NFIC: variants seen among roughly 807,000 people sequenced by gnomAD.
NFIC encodes nuclear factor 1 C-type.
Under a neutral mutation model 54.4 loss-of-function variants are expected in NFIC, and 12 were observed. That is an observed-to-expected ratio of 0.22 (90% confidence interval 0.14 to 0.36). The LOEUF is 0.36. NFIC is among the 10% of genes least tolerant of loss of function. The pLI is 1.00. For missense variants in NFIC, 575 were observed against 718.2 expected (o/e 0.80, Z 2.28); for synonymous variants, 322 against 319.2 (o/e 1.01, Z -0.09).
At chr19:3,389,237 A>T (rs901433950) in intron 2 of NFIC, among the ~76,000 whole-genome samples, 4 of 152,246 alleles carry the variant, frequency 2.6e-5, no homozygotes, top group Admixed American at 1.3e-4. Flanking sequence ...CCTGAGCTTG[A>T]TGGCAGGAGA....
At chr19:3,414,930 C>T (rs916449865) in intron 2 of NFIC, among the ~76,000 whole-genome samples, 10 of 151,820 alleles carry the variant, frequency 6.6e-5, no homozygotes, top group African/African-American at 2.4e-4. Flanking sequence ...ACCTCTGCCT[C>T]CTGGGTTCAA....
intron 2 of NFIC, among the ~76,000 whole-genome samples, chr19:3,389,348 TGAG>T (rs946219474): frequency 4.6e-5 from 7 of 151,978 alleles, no homozygotes; most frequent in Non-Finnish European, 1.0e-4. Flanking sequence ...GGTCTGGGGT[TGAG>T]GGGAGTGGAG....
intron 6 of NFIC, 37 bp downstream of exon 6, chr19:3,435,244 T>C: frequency 2.0e-6 from 3 of 1,530,528 alleles, no homozygotes; most frequent in Non-Finnish European, 8.8e-7. Flanking sequence ...GGCCTTCCGG[T>C]CTGAGTCACC....
chr19:3,422,614 G>A (rs1244511679), intron 2 of NFIC, among the ~76,000 whole-genome samples: 1 of 151,812 alleles, frequency 6.6e-6, no homozygotes, highest in Non-Finnish European at 1.5e-5. Context: ...CTACTCAGGA[G>A]ACTGAGGCAG....
chr19:3,426,213 A>G (rs936585704), intron 3 of NFIC, among the ~76,000 whole-genome samples: 1 of 149,814 alleles, frequency 6.7e-6, no homozygotes, highest in African/African-American at 2.5e-5. Flanking sequence ...GATTACAGGC[A>G]TGAGCCACCG....
intron 2 of NFIC, among the ~76,000 whole-genome samples, chr19:3,393,946 AT>A (rs1006781398): frequency 6.7e-5 from 10 of 149,576 alleles, no homozygotes; most frequent in South Asian, 2.1e-4. Flanking sequence ...AGTAATGTTA[AT>A]TTTTTTTTTC....
chr19:3,363,728 A>T (rs1334283447), upstream of NFIC, among the ~76,000 whole-genome samples: 1 of 152,220 alleles, frequency 6.6e-6, no homozygotes, highest in Admixed American at 6.5e-5. Context: ...GCCAGGGTTG[A>T]TTCTGTTCCC....
chr19:3,371,732 CTCCCT>C (rs2081014031), intron 1 of NFIC: 1 of 151,964 alleles, frequency 6.6e-6, no homozygotes, highest in African/African-American at 2.4e-5. Flanking sequence ...TCCAGTTTCC[CTCCCT>C]TCCCTCTGTG....
rs1199246921 is a variant in NFIC, at chr19:3,370,311, C to T, written c.30+3645C>T. 2.0e-5 allele frequency among the ~76,000 whole-genome samples: 3 copies of T among 152,096 alleles called. No homozygotes were observed. The highest frequency in any genetic ancestry group is 4.4e-5 in the Non-Finnish European group (3 of 67,972). ...ACCCGGGGCCTGGTGGCCTCTGATT[C>T]ACTCTCTACAAGGCTCCACCACTCT... On this transcript the variant is annotated intron_variant, in intron 1 of 10. Coordinates refer to ENST00000443272, the MANE Select transcript of NFIC (RefSeq NM_001245002.2). The surrounding 1 kb of genome is among the most constrained non-coding windows in gnomAD (Gnocchi z 5.2).
intron 7 of NFIC, among the ~76,000 whole-genome samples, chr19:3,450,064 G>C (rs1408018196): frequency 1.3e-5 from 2 of 151,744 alleles, no homozygotes; most frequent in Non-Finnish European, 2.9e-5. Context: ...CCAAAAAAAG[G>C]CTAAGTGCAA....
chr19:3,409,965 T>C (rs982952955), intron 2 of NFIC, among the ~76,000 whole-genome samples: 6 of 152,108 alleles, frequency 3.9e-5, no homozygotes, highest in Non-Finnish European at 7.4e-5. Context: ...TCCCCTACTT[T>C]GGGAGACAGA....
At chr19:3,378,096 T>A (rs1398727596) in intron 1 of NFIC, among the ~76,000 whole-genome samples, 1 of 150,848 alleles carries the variant, frequency 6.6e-6, no homozygotes, top group Non-Finnish European at 1.5e-5. Context: ...AATACAAAAA[T>A]TAGCTGGGCA....
chr19:3,369,591 C>T lies in NFIC; in HGVS notation c.30+2925C>T, dbSNP rs984097046. 1.2e-4 allele frequency among the ~76,000 whole-genome samples: 19 copies of T among 152,272 alleles called. No homozygotes were observed. Among genetic ancestry groups the T allele is most frequent in the East Asian group, 3.9e-4 (2 of 5,154 alleles). On this transcript the variant is annotated intron_variant, in intron 1 of 10. Coordinates refer to ENST00000443272, the MANE Select transcript of NFIC (RefSeq NM_001245002.2). The surrounding 1 kb of genome is among the most constrained non-coding windows in gnomAD (Gnocchi z 4.3). ...CCGCCGAGTGGGGAGTGGGTGCTGG[C>T]GGCCCTGGGGCATTCTGGGAGCCCC...
At chr19:3,429,673 G>A (rs919256962) in intron 3 of NFIC, among the ~76,000 whole-genome samples, 3 of 152,242 alleles carry the variant, frequency 2.0e-5, no homozygotes, top group East Asian at 1.9e-4. Context: ...CCTGCAGTCC[G>A]TGCTGCCCCC....
chr19:3,382,740 C>A (rs2081234108), intron 2 of NFIC, among the ~76,000 whole-genome samples: 1 of 138,958 alleles, frequency 7.2e-6, no homozygotes, highest in African/African-American at 2.7e-5. Context: ...AAGAAGCCAG[C>A]ATGTGTAGAT....
chr19:3,371,080 ATC>A (rs2080999943), intron 1 of NFIC, among the ~76,000 whole-genome samples: 1 of 152,180 alleles, frequency 6.6e-6, no homozygotes, highest in African/African-American at 2.4e-5. Flanking sequence ...CTGCCTGAAA[ATC>A]TTGCTCAGGA....
At chr19:3,425,021 A>G in intron 2 of NFIC, 85 bp from the exon 3 acceptor site, 1 of 1,431,142 alleles carries the variant, frequency 7.0e-7, no homozygotes, top group Admixed American at 1.9e-5. Flanking sequence ...CCAGCCCAGG[A>G]CTGGGGCCAC....
At chr19:3,428,909 C>T (rs2082069846) in intron 3 of NFIC, among the ~76,000 whole-genome samples, 1 of 152,070 alleles carries the variant, frequency 6.6e-6, no homozygotes, top group Admixed American at 6.6e-5. Flanking sequence ...TCGGGGGCCA[C>T]CGCTCTGTCC....
intron 10 of NFIC, among the ~76,000 whole-genome samples, 169 bp from the exon 11 acceptor site, chr19:3,462,583 G>A (rs552852571): frequency 3.9e-4 from 59 of 152,260 alleles, no homozygotes; most frequent in African/African-American, 1.4e-3. Context: ...CTTGCCATGG[G>A]TCACCCAGCA....
Sources: gnomAD v4.1 joint callset for allele counts (sites outside exome capture counted in the v4.1 genomes callset) on GRCh38, gnomAD v4.1.1 for gene constraint, Gnocchi (gnomAD v3.1) non-coding constraint, MANE v1.5 for transcripts, NCBI Gene and HGNC (gene_info 2026-07-23, HGNC 2026-07-21) for gene names.